Variants in HERPUD1 observed in about 807,000 individuals in gnomAD.
The protein encoded by HERPUD1 is homocysteine inducible ER protein with ubiquitin like domain 1, also known as homocysteine-responsive endoplasmic reticulum-resident ubiquitin-like domain member 1 protein.
HERPUD1 carries 17 observed loss-of-function variants against 45.0 expected under a neutral mutation model. That is an observed-to-expected ratio of 0.38 (90% CI 0.26 to 0.57). The LOEUF (loss-of-function observed/expected upper bound fraction) is 0.57, where lower values mean the gene tolerates loss of function less well. HERPUD1 is among the 20% of genes least tolerant of loss of function. The pLI is 0.72. For synonymous variants in HERPUD1, 164 were observed against 177.5 expected (o/e 0.92, Z 0.61); for missense variants, 420 against 490.5 (o/e 0.86, Z 1.36).
intron 3 of HERPUD1, 163 bp downstream of exon 3, chr16:56,935,638 A>T: frequency 1.6e-6 from 1 of 638,064 alleles, no homozygotes; most frequent in Non-Finnish European, 2.8e-6. Flanking sequence ...ATCAACACAA[A>T]GTGATGAGTT....
At chr16:56,934,702 C>CTCTTTTTTTTT (rs2055851632) in intron 1 of HERPUD1, among the ~76,000 whole-genome samples, 1 of 59,862 alleles carries the variant, frequency 1.7e-5, no homozygotes, top group African/African-American at 6.7e-5. Context: ...ATTTGCCATT[C>CTCTTTTTTTTT]TTTTTTTTTT....
At position 56,939,926 on chromosome 16, in the gene HERPUD1, G is replaced by A; in HGVS notation, c.586G>A (p.Val196Ile). 7 of 1,599,180 alleles carry A rather than the reference G, an allele frequency of 4.4e-6. No individual in the cohort carries two copies. Among genetic ancestry groups the A allele is most frequent in the Non-Finnish European group, 6.0e-6 (7 of 1,169,966 alleles). The change falls in exon 6 of 8, where the codon GTT (valine) becomes ATT (isoleucine). Residue 196 changes from valine to isoleucine, a missense_variant. By Grantham distance (29) the Val-to-Ile change is conservative. Coordinates refer to ENST00000439977, the MANE Select transcript of HERPUD1 (RefSeq NM_014685.4). ...AGCCACTGCTGCATCAGGGGCTTTT[G>A]TTCCACCACCAAGTGCACAAGAGAT... ...LAATAASGAF[V>I]PPPSAQEIPV... is the part of the protein sequence containing the mutation.
At chr16:56,934,699 A>ATTTTT (rs1257594998) in intron 1 of HERPUD1, among the ~76,000 whole-genome samples, 3 of 73,100 alleles carry the variant, frequency 4.1e-5, no homozygotes, top group South Asian at 4.6e-4. Context: ...ATAATTTGCC[A>ATTTTT]TTCTTTTTTT....
At chr16:56,941,031 C>T (rs1216390037) in intron 6 of HERPUD1, 2 of 152,104 alleles carry the variant, frequency 1.3e-5, no homozygotes, top group African/African-American at 4.8e-5. Context: ...GTTGTATGGT[C>T]CCAAGAACAT....
chr16:56,933,845 C>T (rs775765785), intron 1 of HERPUD1, among the ~76,000 whole-genome samples: 5 of 152,160 alleles, frequency 3.3e-5, no homozygotes, highest in African/African-American at 7.2e-5. Flanking sequence ...TGTGGTTTTC[C>T]GGCCTTTTCT....
intron 1 of HERPUD1, 108 bp downstream of exon 1, chr16:56,932,499 G>T (rs1423255466): frequency 2.8e-6 from 3 of 1,087,674 alleles, no homozygotes; most frequent in Non-Finnish European, 3.8e-6. Context: ...TGACGGCTGC[G>T]ATCGCTCGGC....
At chr16:56,935,179 T>C in intron 1 of HERPUD1, 56 bp from the exon 2 acceptor site, 1 of 1,186,590 alleles carries the variant, frequency 8.4e-7, no homozygotes, top group Non-Finnish European at 1.3e-6. Context: ...ATTCTGTGTT[T>C]AGGAACTTGT....
At chr16:56,936,912 G>T in intron 4 of HERPUD1, 95 bp downstream of exon 4, 1 of 1,345,416 alleles carries the variant, frequency 7.4e-7, no homozygotes, top group East Asian at 2.5e-5. Context: ...TATATAATCA[G>T]AACTTTTAAA....
intron 3 of HERPUD1, chr16:56,935,768 A>G (rs2055861924): frequency 2.7e-6 from 1 of 372,768 alleles, no homozygotes; most frequent in African/African-American, 2.1e-5. Context: ...AACTAACACT[A>G]ATCGGGTTTT....
chr16:56,936,952 C>T (rs1230023831), intron 4 of HERPUD1, 135 bp downstream of exon 4: 33 of 881,866 alleles, frequency 3.7e-5, no homozygotes, highest in Middle Eastern at 3.5e-4. Context: ...TAAATAGCTT[C>T]GCTTTAAAGA....
intron 5 of HERPUD1, 43 bp downstream of exon 5, chr16:56,939,402 G>A (rs770825391): frequency 6.2e-6 from 10 of 1,610,634 alleles, no homozygotes. Context: ...GGGCTCCCGG[G>A]AATTGAAGGG....
Position 56,932,240 on chromosome 16 carries a change from C to T in HERPUD1, c.-5C>T. 6.2e-7 allele frequency: 1 copy of T among 1,606,544 alleles called. No individual in the cohort carries two copies. Among genetic ancestry groups the T allele is most frequent in the African/African-American group, 1.3e-5 (1 of 75,014 alleles). ...CAGCGGAGCCCCGACACCGCCGCCG[C>T]CGCCATGGAGTCCGAGACCGAACCC... On this transcript the variant is annotated 5_prime_UTR_variant, in exon 1 of 8. Coordinates refer to ENST00000439977, the MANE Select transcript of HERPUD1 (RefSeq NM_014685.4).
intron 4 of HERPUD1, 106 bp downstream of exon 4, chr16:56,936,923 C>T (rs1461259736): frequency 1.6e-6 from 2 of 1,256,570 alleles, no homozygotes; most frequent in Non-Finnish European, 2.2e-6. Context: ...AACTTTTAAA[C>T]ATACAGAATT....
chr16:56,943,662 C>T lies in HERPUD1; in HGVS notation c.*372C>T, dbSNP rs9497. 1.6e-5 allele frequency: 6 copies of T among 384,144 alleles called. No homozygotes were observed. The highest frequency in any genetic ancestry group is 3.9e-5 in the Admixed American group (1 of 25,874). 23.8% of individuals were successfully genotyped at this position (384,144 alleles called of 1,614,324 possible). ...AGATGCAGAAGTGGTTCTGCTGGTA[C>T]GATTTGATTCCTGTTGGAATGTTTA... On this transcript the variant is annotated 3_prime_UTR_variant, in exon 8 of 8. Coordinates refer to ENST00000439977, the MANE Select transcript of HERPUD1 (RefSeq NM_014685.4).
rs763232388 is a variant in HERPUD1 at position 56,942,116 on chromosome 16, T to C, written c.906-16T>C. The C allele has an allele frequency of 5.0e-6, 8 of 1,604,264 alleles. No homozygotes were observed. Among genetic ancestry groups the C allele is most frequent in the Non-Finnish European group, 6.8e-6 (8 of 1,171,004 alleles). ...TGACATCAGCTAAGATGGACTTTTA[T>C]GTGCTTCCTTTGAAGGCATCACGTT... On this transcript the variant is annotated splice_polypyrimidine_tract_variant and intron_variant, in intron 6 of 7. Transcript: ENST00000439977.
chr16:56,938,575 AAAG>A (rs1297989634), intron 4 of HERPUD1, among the ~76,000 whole-genome samples: 2 of 152,070 alleles, frequency 1.3e-5, no homozygotes, highest in Non-Finnish European at 2.9e-5. Flanking sequence ...AAAAAAAAAA[AAAG>A]AAGCATGCAT....
At position 56,932,149 on chromosome 16, in the gene HERPUD1, A is replaced by C; in HGVS notation, c.-96A>C. The C allele has an allele frequency of 6.5e-7, 1 of 1,545,044 alleles. No homozygotes were observed. ...CCCGAAGCGGGGGCGCGCGCCCCAG[A>C]GACGTGAACTGTCGTTGCAGAGATT... On this transcript the variant is annotated 5_prime_UTR_variant, in exon 1 of 8. Coordinates refer to ENST00000439977, the MANE Select transcript of HERPUD1 (RefSeq NM_014685.4).
chr16:56,935,552 A>G, intron 3 of HERPUD1, 77 bp downstream of exon 3: 1 of 1,239,678 alleles, frequency 8.1e-7, no homozygotes, highest in East Asian at 2.3e-5. Context: ...AGTTGGATAA[A>G]ACGTTTATTG....
In HERPUD1 at chr16:56,940,088, G is replaced by A; in HGVS notation, c.748G>A (p.Gly250Ser). 1 of 1,614,216 alleles carries A rather than the reference G, an allele frequency of 6.2e-7. No homozygotes were observed. The highest frequency in any genetic ancestry group is 8.5e-7 in the Non-Finnish European group (1 of 1,180,040). ...TCAAAATTTGCGGATGAATGCACAA[G>A]GTGGCCCTATTGTGGAAGAAGATGA... is the stretch of plus-strand genomic sequence containing the variant. ...ANQNLRMNAQ[G>S]GPIVEEDDEI... The change falls in exon 6 of 8, where the codon GGT (glycine) becomes AGT (serine). Residue 250 changes from glycine to serine, a missense_variant. Coordinates refer to ENST00000439977, the MANE Select transcript of HERPUD1 (RefSeq NM_014685.4).
Sources: gnomAD v4.1 joint callset for allele counts (sites outside exome capture counted in the v4.1 genomes callset) on GRCh38, gnomAD v4.1.1 for gene constraint, MANE v1.5 for transcripts, NCBI Gene and HGNC (gene_info 2026-07-23, HGNC 2026-07-21) for gene names.